The following UNC5B variants were observed in gnomAD, a reference collection of about 807,000 sequenced individuals.
The protein encoded by UNC5B is unc-5 netrin receptor B.
Under a neutral mutation model 103.7 loss-of-function variants are expected in UNC5B, and 56 were observed. The ratio of observed to expected loss-of-function variants is 0.54; its 90% CI spans 0.44 to 0.67. The LOEUF is 0.67. Among genes scored for constraint, UNC5B ranks in the 30% least tolerant of loss-of-function variants. UNC5B has a pLI of 0.00. For missense variants in UNC5B, 1,194 were observed against 1,284.5 expected (o/e 0.93, Z 1.08); for synonymous variants, 577 against 542.0 (o/e 1.06, Z -0.90).
chr10:71,291,191 C>G, intron 9 of UNC5B, 82 bp downstream of exon 9: 1 of 1,484,036 alleles, frequency 6.7e-7, no homozygotes, highest in South Asian at 1.3e-5. Context: ...CAGAGCCAGG[C>G]TCCTGACTCC....
chr10:71,301,852 G>A lies in UNC5B; in HGVS notation c.*2575G>A, dbSNP rs902000973. On this transcript the variant is annotated 3_prime_UTR_variant, in exon 17 of 17. Coordinates refer to ENST00000335350, the MANE Select transcript of UNC5B (RefSeq NM_170744.5). ...GTTCTAGGCTTCTGTAGGGGACCTT[G>A]TGATCTGCCGTGCCCCTCCTCCCTG... 1 of 152,204 alleles carries A rather than the reference G, an allele frequency of 6.6e-6. No homozygotes were observed. Among genetic ancestry groups the A allele is most frequent in the Non-Finnish European group, 1.5e-5 (1 of 68,040 alleles). The allele number at this position is 152,204 out of a possible 1,614,324, so 9.4% of individuals were successfully genotyped here. A position where few individuals can be genotyped will look rare whatever the true frequency, so the allele number is the denominator to read the frequency against.
intron 1 of UNC5B, among the ~76,000 whole-genome samples, chr10:71,235,768 C>T (rs145126386): frequency 2.3e-4 from 35 of 152,360 alleles, no homozygotes; most frequent in African/African-American, 8.4e-4. Context: ...ACCAACTGGG[C>T]TTCAGACCAG....
At chr10:71,221,548 C>A (rs111932143) in intron 1 of UNC5B, among the ~76,000 whole-genome samples, 2 of 152,378 alleles carry the variant, frequency 1.3e-5, no homozygotes, top group African/African-American at 4.8e-5. Context: ...TCAGCCTGAG[C>A]AAGTGCTGAG....
intron 1 of UNC5B, among the ~76,000 whole-genome samples, chr10:71,242,392 G>C (rs1843925605): frequency 6.6e-6 from 1 of 152,220 alleles, no homozygotes; most frequent in African/African-American, 2.4e-5. Flanking sequence ...AGAGAGGAAA[G>C]ACTGCTGAGG....
chr10:71,292,828 C>T (rs1190682306), intron 11 of UNC5B, among the ~76,000 whole-genome samples: 2 of 152,196 alleles, frequency 1.3e-5, no homozygotes, highest in African/African-American at 4.8e-5. Flanking sequence ...GTAAACATCT[C>T]ACTGTGAAAA....
Position 71,295,133 on chromosome 10 carries a change from GAGA to G in UNC5B, c.2176-675_2176-673del, listed in dbSNP as rs149155022. ...GACAACATAGGTGAAAGGCCCATGG[GAGA>G]AGGAGTGTCCCCTGCTGGGAGGACC... On this transcript the variant is annotated intron_variant, in intron 13 of 16. Coordinates refer to ENST00000335350, the MANE Select transcript of UNC5B (RefSeq NM_170744.5). Among the ~76,000 whole-genome samples the G allele has an allele frequency of 3.4e-3, 520 of 152,318 alleles. 4 individuals are homozygous for G. The highest frequency in any genetic ancestry group is 0.012 in the African/African-American group (504 of 41,564).
At chr10:71,234,570 G>A (rs557118674) in intron 1 of UNC5B, among the ~76,000 whole-genome samples, 4 of 152,346 alleles carry the variant, frequency 2.6e-5, no homozygotes, top group South Asian at 2.1e-4. Flanking sequence ...AGCCCCTGGG[G>A]TGGGAAGCTC....
intron 1 of UNC5B, among the ~76,000 whole-genome samples, chr10:71,218,795 A>G (rs1012749381): frequency 6.6e-6 from 1 of 152,210 alleles, no homozygotes; most frequent in Non-Finnish European, 1.5e-5. Context: ...TCTCCCCCAA[A>G]GGGAGTGAGT....
rs1381768466 is a variant in UNC5B at position 71,287,349 on chromosome 10, T to A, written c.734-249T>A. On this transcript the variant is annotated intron_variant, in intron 5 of 16. Coordinates refer to ENST00000335350, the MANE Select transcript of UNC5B (RefSeq NM_170744.5). ...GGTGACCCTGGGGAAGTGGCAGCCC[T>A]TTCTGGACCTTCTTTGCCGTCTTAC... Among the ~76,000 whole-genome samples, 9 of 152,336 alleles carry A rather than the reference T, an allele frequency of 5.9e-5. No homozygotes were observed. In the East Asian group the frequency reaches 1.7e-3, roughly 29 times the overall value.
intron 1 of UNC5B, among the ~76,000 whole-genome samples, chr10:71,222,247 A>G (rs1843467482): frequency 6.6e-6 from 1 of 152,110 alleles, no homozygotes; most frequent in African/African-American, 2.4e-5. Context: ...CCAGGAGACA[A>G]ATTCTACATT....
chr10:71,285,487 A>T, intron 4 of UNC5B, 58 bp downstream of exon 4: 2 of 1,430,138 alleles, frequency 1.4e-6, no homozygotes, highest in Non-Finnish European at 9.4e-7. Context: ...TGCAGAAGCC[A>T]GGCAGGCATG....
At chr10:71,241,184 C>T (rs1256518644) in intron 1 of UNC5B, among the ~76,000 whole-genome samples, 1 of 152,188 alleles carries the variant, frequency 6.6e-6, no homozygotes, top group African/African-American at 2.4e-5. Flanking sequence ...GTTTCATGTC[C>T]TAGCTCCAGA....
At chr10:71,245,313 C>A (rs1234065920) in intron 1 of UNC5B, among the ~76,000 whole-genome samples, 1 of 152,302 alleles carries the variant, frequency 6.6e-6, no homozygotes, top group East Asian at 1.9e-4. Flanking sequence ...AATCAGTCTG[C>A]GTTTTGACAA....
At chr10:71,289,114 A>G in intron 8 of UNC5B, 124 bp downstream of exon 8, 1 of 1,269,246 alleles carries the variant, frequency 7.9e-7, no homozygotes, top group Non-Finnish European at 1.1e-6. Flanking sequence ...CCCCCACGGG[A>G]TCATCTACAC....
chr10:71,227,733 C>T (rs943754889), intron 1 of UNC5B, among the ~76,000 whole-genome samples: 1 of 147,450 alleles, frequency 6.8e-6, no homozygotes, highest in African/African-American at 2.5e-5. Flanking sequence ...CACACACACA[C>T]ACACACACAC....
At chr10:71,298,992 C>A in intron 16 of UNC5B, 120 bp from the exon 17 acceptor site, 1 of 1,339,716 alleles carries the variant, frequency 7.5e-7, no homozygotes, top group Non-Finnish European at 1.0e-6. Context: ...CAATTCAGAC[C>A]CAGGACAGTG....
chr10:71,273,391 T>C (rs1202815520), intron 1 of UNC5B, among the ~76,000 whole-genome samples: 5 of 152,172 alleles, frequency 3.3e-5, no homozygotes, highest in Non-Finnish European at 5.9e-5. Context: ...TGGGTCAGCC[T>C]GGGCCCAGGC....
chr10:71,281,436 A>AT (rs1259095903), intron 2 of UNC5B, among the ~76,000 whole-genome samples: 1 of 151,644 alleles, frequency 6.6e-6, no homozygotes, highest in Admixed American at 6.6e-5. Flanking sequence ...CGCCTCCCAG[A>AT]TTCAAGCAAT....
intron 1 of UNC5B, among the ~76,000 whole-genome samples, chr10:71,245,815 TC>T: frequency 6.6e-6 from 1 of 152,290 alleles, no homozygotes; most frequent in East Asian, 1.9e-4. Context: ...GCTGGTGTCC[TC>T]CCGTTCCATT....
Sources: allele counts gnomAD v4.1 joint callset (sites outside exome capture counted in the v4.1 genomes callset), GRCh38; gene constraint gnomAD v4.1.1; transcripts MANE v1.5; gene names NCBI Gene and HGNC (gene_info 2026-07-23, HGNC 2026-07-21).